The following ENPP6 variants were observed in gnomAD, a reference collection of about 807,000 sequenced individuals.
ENPP6 encodes the protein ectonucleotide pyrophosphatase/phosphodiesterase 6, also known as glycerophosphocholine cholinephosphodiesterase ENPP6.
A neutral mutation model predicts 42.0 loss-of-function variants in ENPP6; 32 were observed. That is an observed-to-expected ratio of 0.76 (90% CI 0.58 to 1.02). The LOEUF (loss-of-function observed/expected upper bound fraction) is 1.02. ENPP6 is among the 50% of genes least tolerant of loss of function. The pLI is 0.00. For synonymous variants in ENPP6, 213 were observed against 216.0 expected (o/e 0.99, Z 0.12); for missense variants, 552 against 566.8 (o/e 0.97, Z 0.27).
chr4:184,185,186 T>A (rs1277456643), intron 1 of ENPP6, among the ~76,000 whole-genome samples: 6 of 151,884 alleles, frequency 4.0e-5, no homozygotes, highest in African/African-American at 1.5e-4. Flanking sequence ...TAGCCGGGAG[T>A]AGAACTACAG....
At chr4:184,170,620 G>A (rs1395517995) in intron 1 of ENPP6, among the ~76,000 whole-genome samples, 8 of 152,162 alleles carry the variant, frequency 5.3e-5, no homozygotes, top group African/African-American at 1.9e-4. Context: ...TAGGCTGATT[G>A]TATCCTCGTG....
intron 2 of ENPP6, among the ~76,000 whole-genome samples, 173 bp downstream of exon 2, chr4:184,153,381 C>A (rs186677749): frequency 6.6e-6 from 1 of 152,300 alleles, no homozygotes; most frequent in East Asian, 1.9e-4. Context: ...ACCTCGGCCT[C>A]CCAAAGTGCT....
intron 1 of ENPP6, among the ~76,000 whole-genome samples, chr4:184,156,767 G>C (rs1249886993): frequency 1.1e-4 from 16 of 152,212 alleles, no homozygotes; most frequent in Non-Finnish European, 1.5e-5. Context: ...CTGTATGAAG[G>C]GGGTGGGATA....
intron 1 of ENPP6, among the ~76,000 whole-genome samples, chr4:184,190,722 C>A (rs540523991): frequency 2.4e-4 from 36 of 152,044 alleles, no homozygotes; most frequent in African/African-American, 8.2e-4. Context: ...ACCACCATGC[C>A]CTCCCAGGTC....
intron 1 of ENPP6, among the ~76,000 whole-genome samples, chr4:184,208,750 G>A (rs1024109887): frequency 1.2e-4 from 18 of 146,236 alleles, no homozygotes; most frequent in African/African-American, 3.9e-4. Flanking sequence ...AGCTCAAGGA[G>A]GCCTGCCTGC....
At chr4:184,197,816 A>G (rs1258878085) in intron 1 of ENPP6, among the ~76,000 whole-genome samples, 5 of 152,194 alleles carry the variant, frequency 3.3e-5, no homozygotes, top group Non-Finnish European at 7.3e-5. Flanking sequence ...GCAAGGAGGG[A>G]TGTCATGGTT....
Position 184,205,343 on chromosome 4 carries a change from C to G in ENPP6, c.241+12236G>C, listed in dbSNP as rs371516631. 9.3e-4 allele frequency among the ~76,000 whole-genome samples: 142 copies of G among 152,326 alleles called. 1 individual carries two copies. In the South Asian group the frequency reaches 0.028, roughly 30 times the overall value. ...GCGCTGGTGGGGTGGCTGGGGAAGA[C>G]GCATCCGCCACGGTGACCTTGTGGG... On this transcript the variant is annotated intron_variant, in intron 1 of 7. Coordinates refer to ENST00000296741, the MANE Select transcript of ENPP6 (RefSeq NM_153343.4).
chr4:184,097,823 TA>T (rs1047801614), intron 6 of ENPP6, among the ~76,000 whole-genome samples: 4 of 152,162 alleles, frequency 2.6e-5, no homozygotes, highest in African/African-American at 9.7e-5. Context: ...GAGTTAATGC[TA>T]CTGAGAGGGG....
At chr4:184,193,954 C>G (rs965833969) in intron 1 of ENPP6, among the ~76,000 whole-genome samples, 1 of 152,192 alleles carries the variant, frequency 6.6e-6, no homozygotes, top group Non-Finnish European at 1.5e-5. Flanking sequence ...CTTTGCCTTT[C>G]CTTGATTGCT....
intron 5 of ENPP6, among the ~76,000 whole-genome samples, chr4:184,116,229 C>T (rs150565385): frequency 1.3e-5 from 2 of 151,814 alleles, no homozygotes; most frequent in African/African-American, 4.8e-5. Context: ...TCTCAAAAAA[C>T]AAACAAACAA....
At chr4:184,171,092 A>G (rs1737453725) in intron 1 of ENPP6, among the ~76,000 whole-genome samples, 2 of 152,236 alleles carry the variant, frequency 1.3e-5, no homozygotes, top group South Asian at 4.1e-4. Flanking sequence ...TCAGCTCACA[A>G]ATATGCAGTC....
At chr4:184,146,812 C>T (rs1040382377) in intron 2 of ENPP6, among the ~76,000 whole-genome samples, 3 of 152,244 alleles carry the variant, frequency 2.0e-5, no homozygotes, top group Non-Finnish European at 2.9e-5. Flanking sequence ...CACAGCTCTG[C>T]TGGGGCTTCT....
intron 1 of ENPP6, among the ~76,000 whole-genome samples, chr4:184,174,435 G>A (rs898205889): frequency 9.2e-5 from 14 of 152,096 alleles, no homozygotes; most frequent in African/African-American, 3.1e-4. Context: ...AAATAGACAA[G>A]ATACTATCAC....
At chr4:184,107,454 C>T (rs1736116154) in intron 6 of ENPP6, among the ~76,000 whole-genome samples, 2 of 152,224 alleles carry the variant, frequency 1.3e-5, no homozygotes, top group African/African-American at 4.8e-5. Flanking sequence ...AGTGCAGGGG[C>T]AGAGGCAAAC....
In ENPP6 at chr4:184,091,291, G is replaced by T. The variant is rs1053717739; in HGVS notation, c.1209C>A (p.Asn403Lys). ...ACATCACCCTGGACCAGGATCCGTTGTTGGGCAGCGGGGTGATGCCCACCA... is the reference window on the plus strand; with the variant it reads ...ACATCACCCTGGACCAGGATCCGTTTTTGGGCAGCGGGGTGATGCCCACCA... The part of the protein sequence containing the change: ...CNVVGITPLP[N>K]NGSWSRVMCM... The change falls in exon 8 of 8, where the codon AAC (asparagine) becomes AAA (lysine). Residue 403 changes from asparagine to lysine, a missense_variant. This residue lies in a region of ENPP6 where 545 missense variants were observed against 546.3 expected (regional missense o/e 1.00). Coordinates refer to ENST00000296741, the MANE Select transcript of ENPP6 (RefSeq NM_153343.4). 2.5e-6 allele frequency: 4 copies of T among 1,614,088 alleles called. No homozygotes were observed. Among genetic ancestry groups the T allele is most frequent in the Non-Finnish European group, 3.4e-6 (4 of 1,180,010 alleles).
intron 5 of ENPP6, 97 bp downstream of exon 5, chr4:184,116,759 C>A (rs1437199262): frequency 2.3e-5 from 35 of 1,494,234 alleles, no homozygotes; most frequent in Non-Finnish European, 2.5e-5. Context: ...CACACACACA[C>A]AAAACAAAAC....
At chr4:184,136,486 T>G (rs1736731813) in intron 2 of ENPP6, among the ~76,000 whole-genome samples, 1 of 152,230 alleles carries the variant, frequency 6.6e-6, no homozygotes, top group African/African-American at 2.4e-5. Context: ...TTTCCTTCTG[T>G]CTAAAGAAGT....
chr4:184,118,890 G>T (rs1450886878), intron 3 of ENPP6, among the ~76,000 whole-genome samples: 8 of 152,202 alleles, frequency 5.3e-5, no homozygotes, highest in East Asian at 1.9e-4. Flanking sequence ...AGCTGCAAGG[G>T]GTTCCTAGCC....
chr4:184,111,963 T>C (rs1347908013), intron 6 of ENPP6, among the ~76,000 whole-genome samples: 1 of 152,200 alleles, frequency 6.6e-6, no homozygotes, highest in Non-Finnish European at 1.5e-5. Context: ...GTAATTGTGA[T>C]TTTTGTCATA....
Sources: allele counts gnomAD v4.1 joint callset (sites outside exome capture counted in the v4.1 genomes callset), GRCh38; gene constraint gnomAD v4.1.1; regional missense constraint gnomAD v4.1.1; transcripts MANE v1.5; gene names NCBI Gene and HGNC (gene_info 2026-07-23, HGNC 2026-07-21).